Variants in THUMPD3 observed in about 807,000 individuals in gnomAD.
THUMPD3 encodes the protein THUMP domain 3 tRNA guanosine methyltransferase, also known as tRNA (guanine(6)-N(2))-methyltransferase THUMP3.
THUMPD3 carries 44 observed loss-of-function variants against 54.5 expected under a neutral mutation model. The observed-to-expected ratio is 0.81, with a 90% CI of 0.63 to 1.04. The LOEUF (loss-of-function observed/expected upper bound fraction) is 1.04. Among genes scored for constraint, THUMPD3 ranks in the 50% least tolerant of loss-of-function variants. THUMPD3 has a pLI of 0.00. For synonymous variants in THUMPD3, 196 were observed against 201.4 expected, an observed-to-expected ratio of 0.97 and a Z score of 0.23; for missense variants, 604 against 601.3, an observed-to-expected ratio of 1.00 and a Z score of -0.05.
chr3:9,381,892 G>A (rs1229042518), intron 7 of THUMPD3, among the ~76,000 whole-genome samples: 1 of 143,434 alleles, frequency 7.0e-6, no homozygotes, highest in Non-Finnish European at 1.5e-5. Context: ...CCATTCTCCT[G>A]CCTCAGCCTC....
chr3:9,370,410 C>T (rs2031933321), intron 3 of THUMPD3, among the ~76,000 whole-genome samples: 1 of 152,104 alleles, frequency 6.6e-6, no homozygotes. Flanking sequence ...GCTTTCTTTC[C>T]TTAAGAATAT....
chr3:9,367,516 A>G (rs1257305193), intron 3 of THUMPD3, among the ~76,000 whole-genome samples: 2 of 152,204 alleles, frequency 1.3e-5, no homozygotes, highest in Non-Finnish European at 2.9e-5. Flanking sequence ...AAGGTTGAAA[A>G]TAGATTGCAG....
chr3:9,373,989 TATACACG>T (rs778609490), intron 4 of THUMPD3, among the ~76,000 whole-genome samples: 1 of 152,236 alleles, frequency 6.6e-6, no homozygotes, highest in Non-Finnish European at 1.5e-5. Flanking sequence ...TTTTTACTTA[TATACACG>T]ATGTGTAAAC....
rs921376321 is a variant in THUMPD3, at chr3:9,386,544, T to C, written c.*1856T>C. The C allele has an allele frequency of 6.6e-6, 1 of 152,204 alleles. No individual in the cohort carries two copies. The highest frequency in any genetic ancestry group is 6.5e-5 in the Admixed American group (1 of 15,280). The allele number at this position is 152,204 out of a possible 1,614,324, so 9.4% of individuals were successfully genotyped here. ...TTCTATTACATACTACAATAAAAAT[T>C]TGACAAGACTGATACAAATATGTAG... On this transcript the variant is annotated 3_prime_UTR_variant, in exon 10 of 10. Transcript: ENST00000452837.
chr3:9,383,447 C>G (rs2033075719), intron 8 of THUMPD3, 138 bp downstream of exon 8: 2 of 605,634 alleles, frequency 3.3e-6, no homozygotes, highest in East Asian at 2.9e-5. Context: ...TGGATTCACC[C>G]ATTATGTTTC....
intron 6 of THUMPD3, among the ~76,000 whole-genome samples, chr3:9,379,698 CTAT>C (rs745650976): frequency 9.2e-5 from 14 of 152,224 alleles, no homozygotes; most frequent in Non-Finnish European, 2.1e-4. Flanking sequence ...TTGCATTTTA[CTAT>C]TATTTTTTTG....
rs1271501207 is a variant in THUMPD3, at chr3:9,384,588, T to C, written c.1424T>C (p.Leu475Pro). 9 of 1,614,244 alleles carry C rather than the reference T, an allele frequency of 5.6e-6. No individual in the cohort carries two copies. The highest frequency in any genetic ancestry group is 5.5e-5 in the South Asian group (5 of 91,090). The stretch of plus-strand genomic sequence containing the variant: ...ACAGTCTGGGTGAACGTTGGTGGTC[T>C]TCGTGCTGCAGTTTACGTTCTGATA... ...VDTVWVNVGG[L>P]RAAVYVLIRT... is the part of the protein sequence containing the mutation. Residue 475 changes from leucine (L) to proline (P), a missense_variant, in exon 10 of 10, where the codon CTT (leucine) becomes CCT (proline). Transcript: ENST00000452837.
Position 9,386,179 on chromosome 3 carries a change from G to C in THUMPD3, c.*1491G>C, listed in dbSNP as rs2033317806. 1 of 152,158 alleles carries C rather than the reference G, an allele frequency of 6.6e-6. No individual in the cohort carries two copies. Among genetic ancestry groups the C allele is most frequent in the Non-Finnish European group, 1.5e-5 (1 of 68,028 alleles). 9.4% of individuals were successfully genotyped at this position (152,158 alleles called of 1,614,324 possible). The stretch of plus-strand genomic sequence containing the variant: ...CTACCCCACACTTCATAATGAATGG[G>C]AAATAAGATGTTTATGAAGGTTTTA... On this transcript the variant is annotated 3_prime_UTR_variant, in exon 10 of 10. Transcript: ENST00000452837.
chr3:9,369,220 G>A (rs756246064), intron 3 of THUMPD3, among the ~76,000 whole-genome samples: 28 of 132,570 alleles, frequency 2.1e-4, no homozygotes, highest in Admixed American at 1.1e-3. Flanking sequence ...TGAGGCAGGA[G>A]AATCACTTGA....
intron 6 of THUMPD3, among the ~76,000 whole-genome samples, chr3:9,379,944 C>A (rs1398078523): frequency 2.0e-5 from 3 of 152,176 alleles, no homozygotes; most frequent in Non-Finnish European, 4.4e-5. Context: ...CCTGCCTCAG[C>A]TTCCCAAAGT....
chr3:9,366,000 A>G (rs1256424107), intron 2 of THUMPD3, among the ~76,000 whole-genome samples: 1 of 151,072 alleles, frequency 6.6e-6, no homozygotes, highest in African/African-American at 2.4e-5. Context: ...GGGCTGCTCA[A>G]CCTGTAGTAG....
intron 8 of THUMPD3, among the ~76,000 whole-genome samples, chr3:9,383,841 C>CAT (rs1049197233): frequency 1.3e-5 from 2 of 152,168 alleles, no homozygotes; most frequent in African/African-American, 4.8e-5. Flanking sequence ...AGGCTGGTCT[C>CAT]AAACTCCTGA....
intron 7 of THUMPD3, among the ~76,000 whole-genome samples, chr3:9,382,649 G>A (rs557948011): frequency 3.1e-4 from 47 of 152,096 alleles, no homozygotes; most frequent in Admixed American, 2.3e-3. Flanking sequence ...TTGTATCATC[G>A]GTTATGTAAT....
chr3:9,383,388 C>G (rs1447843567), intron 8 of THUMPD3, 79 bp downstream of exon 8: 6 of 1,155,668 alleles, frequency 5.2e-6, no homozygotes, highest in Admixed American at 1.8e-5. Context: ...GGAAAAAAAT[C>G]TTGAATTTTA....
At position 9,385,832 on chromosome 3, in the gene THUMPD3, T is replaced by C. The variant is rs2033293455; in HGVS notation, c.*1144T>C. On this transcript the variant is annotated 3_prime_UTR_variant, in exon 10 of 10. Transcript: ENST00000452837. ...ACTTTTAATTTGGGAGTTATGTGAG[T>C]TGTTACTTTCTCCTGGATCACGATT... is the stretch of plus-strand genomic sequence containing the variant. 1 of 152,188 alleles carries C rather than the reference T, an allele frequency of 6.6e-6. No individual in the cohort carries two copies. Among genetic ancestry groups the C allele is most frequent in the Non-Finnish European group, 1.5e-5 (1 of 68,032 alleles). 9.4% of individuals were successfully genotyped at this position (152,188 alleles called of 1,614,324 possible).
chr3:9,371,105 TGGTCA>T lies in THUMPD3; in HGVS notation c.377_381del (p.Trp126Ter). ...TGAAGACTTGGCTGGAAAACTCCCA[TGGTCA>T]AACCCCTTAAAAGTGTGGAAAATTA... On this transcript the variant is annotated frameshift_variant, in exon 4 of 10. Coordinates refer to ENST00000452837, the MANE Select transcript of THUMPD3 (RefSeq NM_001114092.2). LOFTEE classifies it high-confidence loss of function. 1 of 1,582,910 alleles carries T rather than the reference TGGTCA, an allele frequency of 6.3e-7. No individual in the cohort carries two copies. Among genetic ancestry groups the T allele is most frequent in the Non-Finnish European group, 8.5e-7 (1 of 1,171,658 alleles).
intron 5 of THUMPD3, among the ~76,000 whole-genome samples, chr3:9,375,568 T>G (rs1303290086): frequency 6.6e-6 from 1 of 152,260 alleles, no homozygotes; most frequent in African/African-American, 2.4e-5. Flanking sequence ...GAGGATTAAA[T>G]GCTGAAGCAT....
intron 8 of THUMPD3, among the ~76,000 whole-genome samples, chr3:9,383,627 CT>C (rs1235834386): frequency 2.0e-3 from 287 of 143,562 alleles, no homozygotes; most frequent in Non-Finnish European, 1.8e-3. Context: ...ATAAATGATT[CT>C]TTTTTTTTTT....
At chr3:9,383,921 G>A (rs1372135292) in intron 8 of THUMPD3, among the ~76,000 whole-genome samples, 6 of 152,074 alleles carry the variant, frequency 3.9e-5, no homozygotes, top group Non-Finnish European at 8.8e-5. Flanking sequence ...CAAAACACCT[G>A]GCCTAAATGA....
Sources: gnomAD v4.1 joint callset for allele counts (sites outside exome capture counted in the v4.1 genomes callset) on GRCh38, gnomAD v4.1.1 for gene constraint, MANE v1.5 for transcripts, NCBI Gene and HGNC (gene_info 2026-07-23, HGNC 2026-07-21) for gene names.